Variants in MTRR observed in about 807,000 individuals in gnomAD.
MTRR encodes methionine synthase reductase.
In MTRR, 63 loss-of-function variants were observed where a neutral mutation model predicts 79.2. The ratio of observed to expected loss-of-function variants is 0.80; its 90% CI spans 0.65 to 0.98. The LOEUF (loss-of-function observed/expected upper bound fraction) is 0.98, where lower values mean the gene tolerates loss of function less well. Among genes scored for constraint, MTRR ranks in the 50% least tolerant of loss-of-function variants. The probability of loss-of-function intolerance (pLI) is 0.00; values close to 1 mark genes in which losing one functional copy is unlikely to be tolerated. For synonymous variants in MTRR, 355 were observed against 313.3 expected (o/e 1.13, Z -1.41); for missense variants, 895 against 839.6 (o/e 1.07, Z -0.82).
chr5:7,867,570 G>C, upstream of MTRR: 1 of 1,614,248 alleles, frequency 6.2e-7, no homozygotes, highest in Non-Finnish European at 8.5e-7. Context: ...TTTGACAGCT[G>C]TGAGGGCTCC....
upstream of MTRR, among the ~76,000 whole-genome samples, chr5:7,868,417 C>T (rs1747222849): frequency 6.6e-6 from 1 of 152,150 alleles, no homozygotes; most frequent in Non-Finnish European, 1.5e-5. Context: ...TTACTTTGCC[C>T]AGTTTATGCA....
intron 1 of MTRR, chr5:7,861,466 G>T: frequency 2.8e-6 from 2 of 717,150 alleles, no homozygotes. Context: ...ATTCTGAAAT[G>T]TAGTATTTTA....
intron 2 of MTRR, among the ~76,000 whole-genome samples, chr5:7,871,365 G>C (rs756663357): frequency 2.6e-5 from 4 of 152,202 alleles, no homozygotes; most frequent in Non-Finnish European, 5.9e-5. Context: ...AGAATTTAAA[G>C]TAGTAGTGTA....
rs149306594 is a variant in MTRR, at chr5:7,883,092, A to T, written c.781-63A>T. ...AAGCCCCTGTGGATCTTGCGTAGTC[A>T]CTAATTGAAAGAAGGGTATAATTGA... is the stretch of plus-strand genomic sequence containing the variant. On this transcript the variant is annotated intron_variant, in intron 5 of 14. Transcript: ENST00000440940. 1.1e-4 allele frequency: 185 copies of T among 1,611,044 alleles called. No individual in the cohort carries two copies. The African/African-American group carries it at 2.2e-3, about 19-fold the overall frequency.
chr5:7,854,065 C>A (rs933164451), intron 1 of MTRR, among the ~76,000 whole-genome samples: 1 of 152,004 alleles, frequency 6.6e-6, no homozygotes, highest in African/African-American at 2.4e-5. Context: ...TAAAAATACT[C>A]TTTTTAAAAA....
chr5:7,889,335 C>T, intron 9 of MTRR, 60 bp downstream of exon 9: 1 of 1,595,344 alleles, frequency 6.3e-7, no homozygotes, highest in Admixed American at 1.7e-5. Flanking sequence ...GGCGGGCCAC[C>T]TTTCTGTAGT....
chr5:7,868,851 C>A, upstream of MTRR: 1 of 541,746 alleles, frequency 1.8e-6, no homozygotes, highest in South Asian at 2.0e-5. Flanking sequence ...GGGCGAGCAC[C>A]CCCAAACTCG....
At chr5:7,879,455 T>C (rs1579670485) in intron 5 of MTRR, among the ~76,000 whole-genome samples, 1 of 98,668 alleles carries the variant, frequency 1.0e-5, no homozygotes, top group South Asian at 3.9e-4. Flanking sequence ...AGAGTAAGAC[T>C]CCGTCTCAAA....
chr5:7,876,218 C>G (rs551355184), intron 4 of MTRR, among the ~76,000 whole-genome samples: 1 of 152,302 alleles, frequency 6.6e-6, no homozygotes, highest in East Asian at 1.9e-4. Flanking sequence ...CCCTTCAGCT[C>G]TGATGCCATG....
intron 5 of MTRR, among the ~76,000 whole-genome samples, chr5:7,880,936 A>T (rs945644323): frequency 6.6e-6 from 1 of 152,060 alleles, no homozygotes. Context: ...CCCAGTGTAC[A>T]TTTCCCCTTT....
chr5:7,870,031 C>T lies in MTRR; in HGVS notation c.-25-739C>T, dbSNP rs1374145241. The T allele has an allele frequency of 3.0e-6, 3 of 985,196 alleles. No homozygotes were observed. The African/African-American group carries it at 5.2e-5, about 17-fold the overall frequency. The allele number at this position is 985,196 out of a possible 1,614,324, so 61.0% of individuals were successfully genotyped here. A position where few individuals can be genotyped will look rare whatever the true frequency, so the allele number is the denominator to read the frequency against. ...AAATTGACAGCCCACCAATTTTAGC[C>T]GTTAGATGAGTATGGAAAAAAATCT... On this transcript the variant is annotated intron_variant, in intron 1 of 14. Coordinates refer to ENST00000440940, the MANE Select transcript of MTRR (RefSeq NM_002454.3).
chr5:7,872,503 G>A (rs567330176), intron 2 of MTRR, among the ~76,000 whole-genome samples: 3 of 152,260 alleles, frequency 2.0e-5, no homozygotes, highest in African/African-American at 7.2e-5. Flanking sequence ...TTTGTAGCTC[G>A]CTTATAGCTA....
At chr5:7,866,885 G>A, upstream of MTRR, 2 of 1,614,032 alleles carry the variant, frequency 1.2e-6, no homozygotes, top group East Asian at 2.2e-5. Context: ...AAATTTTTCT[G>A]TTTGGCAAAC....
At chr5:7,875,439 A>G (rs1344522046) in intron 4 of MTRR, 64 bp downstream of exon 4, 1 of 1,329,844 alleles carries the variant, frequency 7.5e-7, no homozygotes, top group Non-Finnish European at 1.1e-6. Context: ...TTGATTTGTA[A>G]AACATGTCAG....
chr5:7,875,804 C>T (rs902103541), intron 4 of MTRR, among the ~76,000 whole-genome samples: 4 of 152,232 alleles, frequency 2.6e-5, no homozygotes, highest in African/African-American at 4.8e-5. Context: ...TGTGGGCCTT[C>T]GCTGCAGGCT....
chr5:7,877,745 G>C (rs547745297), intron 4 of MTRR, among the ~76,000 whole-genome samples, 199 bp from the exon 5 acceptor site: 166 of 152,046 alleles, frequency 1.1e-3, no homozygotes, highest in Non-Finnish European at 1.8e-3. Context: ...CATGTTTTCA[G>C]CTACGGTGCT....
intron 3 of MTRR, 57 bp downstream of exon 3, chr5:7,873,583 T>C: frequency 6.3e-7 from 1 of 1,584,156 alleles, no homozygotes; most frequent in Non-Finnish European, 8.7e-7. Context: ...CTCTGGTATC[T>C]GAATTATCTT....
chr5:7,878,153 C>G lies in MTRR; in HGVS notation c.611C>G (p.Ser204Cys), dbSNP rs1330292970. The G allele has an allele frequency of 1.2e-6, 2 of 1,614,012 alleles. No homozygotes were observed. The highest frequency in any genetic ancestry group is 1.7e-6 in the Non-Finnish European group (2 of 1,180,036). The change falls in exon 5 of 15, where the codon TCT becomes TGT. Residue 204 changes from serine to cysteine, a missense_variant. Ser to Cys is a moderately radical substitution (Grantham distance 112, BLOSUM62 -1). Transcript: ENST00000440940. ...TTCGATGATTCAGGAAGAAAGGATTCTGAGGTTTTGAAGCAAAATGCAGTG... is the reference window on the plus strand; with the variant it reads ...TTCGATGATTCAGGAAGAAAGGATTGTGAGGTTTTGAAGCAAAATGCAGTG... ...LRFDDSGRKD[S>C]EVLKQNAVNS...
At chr5:7,882,820 A>G (rs1735784160) in intron 5 of MTRR, among the ~76,000 whole-genome samples, 2 of 152,322 alleles carry the variant, frequency 1.3e-5, no homozygotes, top group South Asian at 2.1e-4. Flanking sequence ...ACATTCTTCA[A>G]GATCTCTCCT....
Sources: gnomAD v4.1 joint callset for allele counts (sites outside exome capture counted in the v4.1 genomes callset) on GRCh38, gnomAD v4.1.1 for gene constraint, MANE v1.5 for transcripts, NCBI Gene and HGNC (gene_info 2026-07-23, HGNC 2026-07-21) for gene names.